Variants in CSMD1 observed in about 807,000 individuals in gnomAD.
CSMD1 encodes the protein CUB and sushi domain-containing protein 1.
A neutral mutation model predicts 417.5 loss-of-function variants in CSMD1; 213 were observed. The ratio of observed to expected loss-of-function variants is 0.51; its 90% CI spans 0.46 to 0.57. The LOEUF (loss-of-function observed/expected upper bound fraction) is 0.57, where lower values mean the gene tolerates loss of function less well. Among genes scored for constraint, CSMD1 ranks in the 20% least tolerant of loss-of-function variants. The probability of loss-of-function intolerance (pLI) is 0.00; values close to 1 mark genes in which losing one functional copy is unlikely to be tolerated. For missense variants in CSMD1, 6,923 were observed against 4,529.7 expected (o/e 1.53, Z -15.17); for synonymous variants, 2,862 against 1,736.8 (o/e 1.65, Z -16.11).
intron 3 of CSMD1, among the ~76,000 whole-genome samples, chr8:4,043,167 A>T (rs1329546814): frequency 6.6e-6 from 1 of 152,126 alleles, no homozygotes; most frequent in Non-Finnish European, 1.5e-5. Flanking sequence ...AAGCAGCAGT[A>T]TAACATCACA....
intron 7 of CSMD1, among the ~76,000 whole-genome samples, chr8:3,705,546 C>T (rs748157094): frequency 6.6e-6 from 1 of 152,062 alleles, no homozygotes; most frequent in Non-Finnish European, 1.5e-5. Flanking sequence ...TGAAAAAGAA[C>T]GATCATAAAC....
At chr8:3,860,114 T>G (rs1377848480) in intron 5 of CSMD1, among the ~76,000 whole-genome samples, 1 of 152,156 alleles carries the variant, frequency 6.6e-6, no homozygotes, top group Non-Finnish European at 1.5e-5. Flanking sequence ...GCCTTCATAT[T>G]GATCCCCTTT....
intron 1 of CSMD1, among the ~76,000 whole-genome samples, chr8:4,785,635 C>T (rs1179155705): frequency 6.6e-6 from 1 of 152,144 alleles, no homozygotes. Flanking sequence ...CACACAGACT[C>T]AGAGTCCCAG....
intron 23 of CSMD1, among the ~76,000 whole-genome samples, chr8:3,322,529 C>G (rs1563271266): frequency 6.6e-6 from 1 of 152,198 alleles, no homozygotes; most frequent in East Asian, 1.9e-4. Context: ...CTAATCCATG[C>G]ACATACATAA....
chr8:4,156,186 G>T lies in CSMD1; in HGVS notation c.416-124087C>A, dbSNP rs561247748. Among the ~76,000 whole-genome samples the T allele has an allele frequency of 4.6e-5, 7 of 152,264 alleles. No homozygotes were observed. In the East Asian group the frequency reaches 1.4e-3, roughly 29 times the overall value. On this transcript the variant is annotated intron_variant, in intron 3 of 69. Transcript: ENST00000635120. ...GTTGTGTGAGGGGTGTGGGAACAAG[G>T]TTTCATATCTGGACTGGGATCACTG...
intron 3 of CSMD1, among the ~76,000 whole-genome samples, chr8:4,051,829 CTCTTTCTTT>C (rs1227128227): frequency 2.0e-5 from 3 of 149,288 alleles, no homozygotes; most frequent in Non-Finnish European, 3.0e-5. Context: ...TCTCTTTCTT[CTCTTTCTTT>C]TCTTTCTTTT....
intron 2 of CSMD1, among the ~76,000 whole-genome samples, chr8:4,438,562 A>T (rs1003851132): frequency 5.9e-5 from 9 of 152,170 alleles, no homozygotes; most frequent in African/African-American, 2.2e-4. Flanking sequence ...CTCTAAGCTG[A>T]CGGGAGTGTG....
intron 2 of CSMD1, among the ~76,000 whole-genome samples, chr8:4,593,107 G>A (rs575985012): frequency 5.4e-4 from 82 of 152,230 alleles, no homozygotes; most frequent in Admixed American, 3.5e-3. Context: ...CCATTTCTTG[G>A]TCTCATTCCT....
chr8:3,358,858 T>TCTCC (rs1808970820), intron 21 of CSMD1, among the ~76,000 whole-genome samples: 1 of 151,890 alleles, frequency 6.6e-6, no homozygotes, highest in African/African-American at 2.4e-5. Context: ...TTTCTCTCTC[T>TCTCC]CCGTATATAT....
At chr8:4,403,230 T>G (rs918271430) in intron 3 of CSMD1, among the ~76,000 whole-genome samples, 1 of 152,182 alleles carries the variant, frequency 6.6e-6, no homozygotes, top group Non-Finnish European at 1.5e-5. Flanking sequence ...TATGAGAATA[T>G]AAAGATCATT....
At position 3,375,371 on chromosome 8, in the gene CSMD1, T is replaced by C. The variant is rs114282491; in HGVS notation, c.2783-6001A>G. The C allele has an allele frequency of 1.6e-3, 248 of 152,310 alleles. 2 individuals are homozygous for C. Among genetic ancestry groups the C allele is most frequent in the African/African-American group, 5.7e-3 (237 of 41,552 alleles). 9.4% of individuals were successfully genotyped at this position (152,310 alleles called of 1,614,324 possible). On this transcript the variant is annotated intron_variant, in intron 18 of 69. Coordinates refer to ENST00000635120, the MANE Select transcript of CSMD1 (RefSeq NM_033225.6). Reference sequence around the variant, plus strand: ...AGATCCACCTGTGAAAGCACAGCCTTGGGCCTGATCTGTTTCCATCTTTTC... The same window carrying C: ...AGATCCACCTGTGAAAGCACAGCCTCGGGCCTGATCTGTTTCCATCTTTTC...
chr8:3,955,730 T>A (rs2688336), intron 5 of CSMD1, among the ~76,000 whole-genome samples: 114,620 of 152,040 alleles, frequency 0.75, 43,522 homozygotes, highest in East Asian at 0.92. Context: ...GAGAACTGCC[T>A]CAAGTAAGAA....
chr8:3,452,110 C>A (rs564550517), intron 12 of CSMD1, among the ~76,000 whole-genome samples: 1 of 152,122 alleles, frequency 6.6e-6, no homozygotes, highest in South Asian at 2.1e-4. Flanking sequence ...TGATTTGGCT[C>A]TCTGTTTGTC....
chr8:4,175,404 A>G (rs1797986409), intron 3 of CSMD1, among the ~76,000 whole-genome samples: 1 of 152,054 alleles, frequency 6.6e-6, no homozygotes, highest in Admixed American at 6.6e-5. Flanking sequence ...CCTGCGCTAT[A>G]CTTTTATTGT....
intron 25 of CSMD1, among the ~76,000 whole-genome samples, chr8:3,297,155 A>G (rs7817755): frequency 0.039 from 5,951 of 152,270 alleles, 404 homozygotes; most frequent in African/African-American, 0.14. Context: ...ACTGCAAAAC[A>G]TCATTGAGAC....
intron 26 of CSMD1, among the ~76,000 whole-genome samples, chr8:3,253,426 G>C (rs1448269668): frequency 6.6e-6 from 1 of 152,048 alleles, no homozygotes; most frequent in Non-Finnish European, 1.5e-5. Context: ...TTTTACATTT[G>C]CTGAGGAGTG....
At chr8:3,678,657 C>T (rs898123862) in intron 7 of CSMD1, among the ~76,000 whole-genome samples, 2 of 152,088 alleles carry the variant, frequency 1.3e-5, no homozygotes, top group African/African-American at 4.8e-5. Context: ...GCAAGGCAGG[C>T]CAACATGCAA....
At chr8:4,093,334 T>C (rs1053547543) in intron 3 of CSMD1, among the ~76,000 whole-genome samples, 1 of 152,178 alleles carries the variant, frequency 6.6e-6, no homozygotes, top group African/African-American at 2.4e-5. Context: ...ATGAAGTAAA[T>C]ACAAATGTAG....
At chr8:3,337,895 T>C (rs977684754) in intron 23 of CSMD1, among the ~76,000 whole-genome samples, 8 of 152,156 alleles carry the variant, frequency 5.3e-5, no homozygotes, top group Non-Finnish European at 1.5e-5. Flanking sequence ...CTTCTGCCAA[T>C]ATACCCTGGC....
Sources: gnomAD v4.1 joint callset for allele counts (sites outside exome capture counted in the v4.1 genomes callset) on GRCh38, gnomAD v4.1.1 for gene constraint, MANE v1.5 for transcripts, NCBI Gene and HGNC (gene_info 2026-07-23, HGNC 2026-07-21) for gene names.